CCDC141: variants seen among roughly 807,000 people sequenced by gnomAD.
CCDC141 encodes the protein coiled-coil domain-containing protein 141.
Under a neutral mutation model 181.0 loss-of-function variants are expected in CCDC141, and 168 were observed. That is an observed-to-expected ratio of 0.93 (90% CI 0.82 to 1.05). The LOEUF (loss-of-function observed/expected upper bound fraction) is 1.05. CCDC141 is among the 50% of genes least tolerant of loss of function. The pLI is 0.00. For synonymous variants in CCDC141, 666 were observed against 642.3 expected (o/e 1.04, Z -0.56); for missense variants, 1,902 against 1,788.5 (o/e 1.06, Z -1.14).
At chr2:178,822,076 C>A in the CCDC141 span, among the ~76,000 whole-genome samples, 1 of 151,982 alleles carries the variant, frequency 6.6e-6, no homozygotes, top group East Asian at 1.9e-4. Flanking sequence ...ACTATGCAGC[C>A]ATAAAAAATG....
chr2:178,900,562 A>C (rs756547020), intron 8 of CCDC141, among the ~76,000 whole-genome samples: 1 of 152,122 alleles, frequency 6.6e-6, no homozygotes, highest in Non-Finnish European at 1.5e-5. Flanking sequence ...TTGGCACATA[A>C]AGAAGCAAAT....
intron 6 of CCDC141, 52 bp downstream of exon 6, chr2:178,944,483 A>G (rs1689647907): frequency 2.4e-6 from 2 of 827,832 alleles, no homozygotes; most frequent in Admixed American, 6.3e-5. Context: ...TATATTCAAG[A>G]AAAGTTAATG....
At chr2:178,875,044 G>C (rs1250554212) in intron 12 of CCDC141, 1 of 152,130 alleles carries the variant, frequency 6.6e-6, no homozygotes, top group Non-Finnish European at 1.5e-5. Context: ...TGAGGGGACA[G>C]GACTACACTG....
chr2:178,967,445 TA>T (rs1339231004), intron 4 of CCDC141, among the ~76,000 whole-genome samples: 3 of 152,150 alleles, frequency 2.0e-5, no homozygotes, highest in Non-Finnish European at 4.4e-5. Context: ...TCAACATTCT[TA>T]AAGAAAAGAA....
intron 17 of CCDC141, among the ~76,000 whole-genome samples, chr2:178,863,876 T>C (rs1292615949): frequency 6.6e-6 from 1 of 152,242 alleles, no homozygotes; most frequent in Non-Finnish European, 1.5e-5. Context: ...CGCATGTATC[T>C]GGCTGCTCAT....
chr2:178,892,191 C>T (rs776340845), intron 8 of CCDC141, among the ~76,000 whole-genome samples: 2 of 150,944 alleles, frequency 1.3e-5, no homozygotes, highest in African/African-American at 2.4e-5. Context: ...TTTATAGTTA[C>T]GTTAAACCAA....
intron 15 of CCDC141, 78 bp from the exon 16 acceptor site, chr2:178,868,283 C>T: frequency 1.6e-6 from 2 of 1,271,224 alleles, no homozygotes; most frequent in Non-Finnish European, 2.2e-6. Context: ...TTCTATAGCA[C>T]ATTTTGCTAG....
At chr2:178,953,044 A>G (rs949156583) in intron 5 of CCDC141, among the ~76,000 whole-genome samples, 1 of 152,236 alleles carries the variant, frequency 6.6e-6, no homozygotes, top group Admixed American at 6.5e-5. Flanking sequence ...AACATTGACC[A>G]ATGTGGTGGG....
rs146639857 is a variant in CCDC141, at chr2:179,025,905, C to T, written c.225+21379G>A. ...AGCAAAGAGATTGGTGGTATTTTGT[C>T]CCTGCCCTAGAGATTTGTGGAACTT... is the stretch of plus-strand genomic sequence containing the variant. On this transcript the variant is annotated intron_variant, in intron 2 of 23. Transcript: ENST00000443758. Among the ~76,000 whole-genome samples the T allele has an allele frequency of 4.6e-3, 705 of 152,220 alleles. 5 individuals carry two copies. Among genetic ancestry groups the T allele is most frequent in the African/African-American group, 0.016 (677 of 41,526 alleles).
At chr2:179,016,254 C>T (rs1269900413) in intron 2 of CCDC141, among the ~76,000 whole-genome samples, 1 of 151,732 alleles carries the variant, frequency 6.6e-6, no homozygotes, top group Admixed American at 6.6e-5. Context: ...GTATACTGCT[C>T]GGGTTATGGG....
At chr2:178,871,745 T>C (rs1009410685) in intron 13 of CCDC141, among the ~76,000 whole-genome samples, 193 bp from the exon 14 acceptor site, 2 of 152,110 alleles carry the variant, frequency 1.3e-5, no homozygotes, top group South Asian at 2.1e-4. Context: ...TTTGGTTTTA[T>C]TGTGGTAAAA....
At position 178,872,213 on chromosome 2, in the gene CCDC141, G is replaced by A. The variant is rs146458136; in HGVS notation, c.1999C>T (p.Arg667Trp). ...GTGGCTTTAAGCTGCCATGCCAGCCGAAGGAGGCTAAGTTCTTCCCGTTCT... is the reference window on the plus strand; with the variant it reads ...GTGGCTTTAAGCTGCCATGCCAGCCAAAGGAGGCTAAGTTCTTCCCGTTCT... ...KAEREELSLLRLAWQLKATES... is the reference protein window; with the variant it reads ...KAEREELSLLWLAWQLKATES... The change falls in exon 13 of 24, where the codon CGG becomes TGG. Residue 667 changes from arginine (R) to tryptophan (W), a missense_variant. Transcript: ENST00000443758. 8.1e-6 allele frequency: 13 copies of A among 1,613,808 alleles called. No individual in the cohort carries two copies. The African/African-American group carries it at 1.3e-4, about 17-fold the overall frequency.
At chr2:178,978,905 C>T (rs1265984249) in intron 2 of CCDC141, among the ~76,000 whole-genome samples, 1 of 152,086 alleles carries the variant, frequency 6.6e-6, no homozygotes, top group Admixed American at 6.5e-5. Context: ...AAACATTGTC[C>T]AAACACTGCT....
intron 2 of CCDC141, among the ~76,000 whole-genome samples, chr2:179,022,951 C>T (rs1038508258): frequency 3.9e-5 from 6 of 151,998 alleles, no homozygotes; most frequent in Admixed American, 1.3e-4. Flanking sequence ...AGAAGTGACG[C>T]GTACCATCCC....
intron 5 of CCDC141, among the ~76,000 whole-genome samples, chr2:178,958,437 T>C (rs1263357119): frequency 6.6e-6 from 1 of 152,164 alleles, no homozygotes; most frequent in Non-Finnish European, 1.5e-5. Context: ...TGTACCTTTC[T>C]CTCAATTTTG....
chr2:178,975,974 G>T (rs1008428068), intron 3 of CCDC141, among the ~76,000 whole-genome samples: 6 of 152,142 alleles, frequency 3.9e-5, no homozygotes, highest in African/African-American at 1.4e-4. Flanking sequence ...CAAGGAAAAT[G>T]CATAGTAATT....
At chr2:178,953,588 G>A (rs1270903000) in intron 5 of CCDC141, among the ~76,000 whole-genome samples, 1 of 152,172 alleles carries the variant, frequency 6.6e-6, no homozygotes, top group Non-Finnish European at 1.5e-5. Flanking sequence ...ACAATCATGG[G>A]ACCAGGACTT....
chr2:178,850,800 G>A (rs1034873934), intron 20 of CCDC141, among the ~76,000 whole-genome samples: 7 of 152,182 alleles, frequency 4.6e-5, no homozygotes, highest in Non-Finnish European at 1.0e-4. Flanking sequence ...CTACCATGTA[G>A]CACATGCTTA....
At chr2:178,866,897 T>G (rs907113759) in intron 16 of CCDC141, among the ~76,000 whole-genome samples, 2 of 152,204 alleles carry the variant, frequency 1.3e-5, no homozygotes, top group Non-Finnish European at 2.9e-5. Context: ...GGCTAATTGT[T>G]GTATTTTTAG....
Sources: gnomAD v4.1 joint callset for allele counts (sites outside exome capture counted in the v4.1 genomes callset) on GRCh38, gnomAD v4.1.1 for gene constraint, MANE v1.5 for transcripts, NCBI Gene and HGNC (gene_info 2026-07-23, HGNC 2026-07-21) for gene names.